Variants in VEPH1 observed in about 807,000 individuals in gnomAD.
VEPH1 encodes ventricular zone-expressed PH domain-containing protein homolog 1.
A neutral mutation model predicts 85.2 loss-of-function variants in VEPH1; 80 were observed. The observed-to-expected ratio is 0.94, with a 90% CI of 0.78 to 1.13. The LOEUF (loss-of-function observed/expected upper bound fraction) is 1.13, where lower values mean the gene tolerates loss of function less well. Ranked by LOEUF, VEPH1 falls within the 50% of genes most tolerant of loss-of-function variation. The probability of loss-of-function intolerance (pLI) is 0.00; values close to 1 mark genes in which losing one functional copy is unlikely to be tolerated. For missense variants in VEPH1, 955 were observed against 980.5 expected (o/e 0.97, Z 0.35); for synonymous variants, 297 against 348.0 (o/e 0.85, Z 1.63).
chr3:157,319,312 C>G (rs1422481930), intron 9 of VEPH1, among the ~76,000 whole-genome samples: 4 of 152,114 alleles, frequency 2.6e-5, no homozygotes, highest in Non-Finnish European at 4.4e-5. Context: ...GCGAATGAAT[C>G]ATGAGATGTA....
At chr3:157,438,907 CT>C (rs1459167244) in intron 4 of VEPH1, among the ~76,000 whole-genome samples, 1 of 152,150 alleles carries the variant, frequency 6.6e-6, no homozygotes, top group Non-Finnish European at 1.5e-5. Flanking sequence ...TGCACTTTTC[CT>C]GAGAATCCTT....
intron 4 of VEPH1, among the ~76,000 whole-genome samples, chr3:157,453,089 T>C (rs1421668518): frequency 3.3e-5 from 5 of 152,234 alleles, no homozygotes; most frequent in African/African-American, 1.2e-4. Flanking sequence ...AGAGGCTGGA[T>C]GTGAACTTTC....
intron 4 of VEPH1, among the ~76,000 whole-genome samples, chr3:157,448,719 A>G (rs865871991): frequency 6.6e-6 from 1 of 152,220 alleles, no homozygotes; most frequent in South Asian, 2.1e-4. Flanking sequence ...TTTCTTTTCT[A>G]AAAAGGTTCT....
chr3:157,405,000 T>C (rs1207907628), intron 6 of VEPH1, among the ~76,000 whole-genome samples: 13 of 152,186 alleles, frequency 8.5e-5, no homozygotes, highest in Admixed American at 8.5e-4. Context: ...ACTTACTAAG[T>C]GGTGGCTTCC....
intron 11 of VEPH1, among the ~76,000 whole-genome samples, chr3:157,312,518 G>A (rs1382255580): frequency 6.6e-6 from 1 of 152,022 alleles, no homozygotes; most frequent in East Asian, 1.9e-4. Flanking sequence ...AAACAGCTTG[G>A]ATTTGAAATA....
chr3:157,414,789 T>C (rs570468854), intron 5 of VEPH1, among the ~76,000 whole-genome samples: 1 of 152,280 alleles, frequency 6.6e-6, no homozygotes, highest in Admixed American at 6.5e-5. Flanking sequence ...TTTTGTTGGC[T>C]AAAATAGAAG....
At chr3:157,492,321 T>C (rs1739288701) in intron 2 of VEPH1, among the ~76,000 whole-genome samples, 1 of 152,194 alleles carries the variant, frequency 6.6e-6, no homozygotes, top group Non-Finnish European at 1.5e-5. Flanking sequence ...AGTTATAATT[T>C]TCATTGTAAA....
chr3:157,357,305 T>C (rs1456826599), intron 9 of VEPH1, among the ~76,000 whole-genome samples: 24 of 152,320 alleles, frequency 1.6e-4, no homozygotes, highest in Non-Finnish European at 1.2e-4. Context: ...ATGACAGATT[T>C]CATTTTCAGT....
intron 11 of VEPH1, among the ~76,000 whole-genome samples, chr3:157,299,301 A>G (rs2108446375): frequency 6.6e-6 from 1 of 152,186 alleles, no homozygotes; most frequent in African/African-American, 2.4e-5. Context: ...GCTCGCACAT[A>G]CAATCCCAGA....
intron 4 of VEPH1, chr3:157,459,702 C>G (rs1735659798): frequency 7.2e-7 from 1 of 1,396,078 alleles, no homozygotes; most frequent in Non-Finnish European, 9.3e-7. Flanking sequence ...GCTTTTTATG[C>G]TAGTATTTAT....
At chr3:157,296,880 CT>C (rs1718202755) in intron 11 of VEPH1, among the ~76,000 whole-genome samples, 1 of 152,210 alleles carries the variant, frequency 6.6e-6, no homozygotes, top group Non-Finnish European at 1.5e-5. Context: ...TATAAAATGA[CT>C]TTGATTCCTA....
chr3:157,387,928 C>A (rs1263068486), intron 6 of VEPH1, among the ~76,000 whole-genome samples: 3 of 152,240 alleles, frequency 2.0e-5, no homozygotes, highest in African/African-American at 7.2e-5. Context: ...TGAGAATTTG[C>A]TGATGTAGGA....
At position 157,437,403 on chromosome 3, in the gene VEPH1, A is replaced by C. The variant is rs912668899; in HGVS notation, c.530-8915T>G. On this transcript the variant is annotated intron_variant, in intron 4 of 13. Coordinates refer to ENST00000362010, the MANE Select transcript of VEPH1 (RefSeq NM_001167912.2). ...GGAGGTGTCCTTAAAGGGAAGGGGA[A>C]TGCCAGGAACGGGCTGCAACTTGGC... The C allele has an allele frequency of 6.1e-6, 8 of 1,316,924 alleles. No individual in the cohort carries two copies. In the Admixed American group the frequency reaches 1.7e-4, roughly 28 times the overall value. 81.6% of individuals were successfully genotyped at this position (1,316,924 alleles called of 1,614,324 possible).
intron 11 of VEPH1, 75 bp downstream of exon 11, chr3:157,313,546 C>T: frequency 6.7e-7 from 1 of 1,501,204 alleles, no homozygotes; most frequent in Non-Finnish European, 8.9e-7. Flanking sequence ...AATTTAATTG[C>T]TAAAAAAAAG....
At chr3:157,446,705 T>A (rs1734583029) in intron 4 of VEPH1, among the ~76,000 whole-genome samples, 1 of 152,240 alleles carries the variant, frequency 6.6e-6, no homozygotes. Context: ...AAGGTTAAAG[T>A]CTTGGTTAAG....
intron 3 of VEPH1, among the ~76,000 whole-genome samples, chr3:157,461,480 C>A (rs1577712882): frequency 6.6e-6 from 1 of 152,152 alleles, no homozygotes; most frequent in Non-Finnish European, 1.5e-5. Flanking sequence ...ATATTCAGAT[C>A]TTTGTTTTGT....
chr3:157,305,855 C>T (rs1020848253), intron 11 of VEPH1, among the ~76,000 whole-genome samples: 7 of 152,184 alleles, frequency 4.6e-5, no homozygotes, highest in African/African-American at 1.4e-4. Context: ...GACTCAGTCT[C>T]CTAAGTATTT....
rs369429724 is a variant in VEPH1, at chr3:157,347,860, T to C, written c.1735+15504A>G. On this transcript the variant is annotated intron_variant, in intron 9 of 13. Transcript: ENST00000362010. ...ACTGCCAGGAATTCACATAGCTGCA[T>C]TGCTCTGATTAGGAACACAAAGTGT... 8.3e-4 allele frequency among the ~76,000 whole-genome samples: 127 copies of C among 152,314 alleles called. 2 individuals carry two copies. In the South Asian group the frequency reaches 0.014, roughly 17 times the overall value.
chr3:157,310,659 A>G (rs1163797468), intron 11 of VEPH1, among the ~76,000 whole-genome samples: 1 of 152,254 alleles, frequency 6.6e-6, no homozygotes, highest in Non-Finnish European at 1.5e-5. Flanking sequence ...TCTCTAGAGC[A>G]GAAGCCCTCC....
Sources: gnomAD v4.1 joint callset for allele counts (sites outside exome capture counted in the v4.1 genomes callset) on GRCh38, gnomAD v4.1.1 for gene constraint, MANE v1.5 for transcripts, NCBI Gene and HGNC (gene_info 2026-07-23, HGNC 2026-07-21) for gene names.